CNTN5: variants seen among roughly 807,000 people sequenced by gnomAD.
CNTN5 encodes contactin 5.
In CNTN5, 77 loss-of-function variants were observed where a neutral mutation model predicts 129.1. The observed-to-expected ratio is 0.60, with a 90% confidence interval of 0.50 to 0.72. CNTN5 has a LOEUF of 0.72. Ranked by LOEUF, CNTN5 falls within the 30% of genes least tolerant of loss-of-function variation. The pLI, the probability that CNTN5 is intolerant of heterozygous loss-of-function variation, is 0.00. For synonymous variants in CNTN5, 509 were observed against 465.6 expected (o/e 1.09, Z -1.20); for missense variants, 1,478 against 1,328.8 (o/e 1.11, Z -1.75).
At chr11:99,409,407 G>T (rs1308050562) in intron 2 of CNTN5, among the ~76,000 whole-genome samples, 1 of 152,208 alleles carries the variant, frequency 6.6e-6, no homozygotes, top group African/African-American at 2.4e-5. Flanking sequence ...GATGGAGCTT[G>T]CAGCAAGCAA....
intron 16 of CNTN5, 107 bp from the exon 17 acceptor site, chr11:100,255,653 C>A: frequency 2.1e-6 from 2 of 950,228 alleles, no homozygotes; most frequent in Non-Finnish European, 3.1e-6. Context: ...ATTCATATTT[C>A]ATTAAGGTGA....
chr11:99,875,675 C>A (rs1329355933), intron 6 of CNTN5, among the ~76,000 whole-genome samples: 1 of 152,042 alleles, frequency 6.6e-6, no homozygotes, highest in Non-Finnish European at 1.5e-5. Context: ...CCCAAACACT[C>A]GACACATTTG....
At chr11:99,306,714 A>G in intron 1 of CNTN5, among the ~76,000 whole-genome samples, 1 of 150,346 alleles carries the variant, frequency 6.7e-6, no homozygotes, top group South Asian at 2.1e-4. Context: ...AGCCTGGGCG[A>G]CAGAGCAAGA....
rs117469373 is a variant in CNTN5, at chr11:100,114,004, G to A, written c.1580+39710G>A. ...TCAGATCTATTCTTCCATCCCTCTTGAATGTATATGGTCTTGATTTGTTTG... is the reference window on the plus strand; with the variant it reads ...TCAGATCTATTCTTCCATCCCTCTTAAATGTATATGGTCTTGATTTGTTTG... On this transcript the variant is annotated intron_variant, in intron 13 of 24. Coordinates refer to ENST00000524871, the MANE Select transcript of CNTN5 (RefSeq NM_014361.4). Among the ~76,000 whole-genome samples the A allele has an allele frequency of 3.3e-5, 5 of 152,074 alleles. No homozygotes were observed. In the South Asian group the frequency reaches 1.0e-3, roughly 32 times the overall value.
intron 3 of CNTN5, among the ~76,000 whole-genome samples, chr11:99,797,426 A>C (rs1387673437): frequency 6.6e-6 from 1 of 152,136 alleles, no homozygotes; most frequent in Non-Finnish European, 1.5e-5. Context: ...TAAGAAGCCA[A>C]AAAACGTTAA....
intron 3 of CNTN5, among the ~76,000 whole-genome samples, chr11:99,709,471 AC>A (rs1333488366): frequency 1.3e-5 from 2 of 151,794 alleles, no homozygotes; most frequent in African/African-American, 4.8e-5. Flanking sequence ...TTACATAAAT[AC>A]CCCATGTGTG....
intron 4 of CNTN5, among the ~76,000 whole-genome samples, chr11:99,842,355 A>C (rs1008305591): frequency 2.0e-5 from 3 of 152,234 alleles, no homozygotes; most frequent in Non-Finnish European, 4.4e-5. Flanking sequence ...ACTACAAGTA[A>C]ATATTAGTTA....
intron 1 of CNTN5, among the ~76,000 whole-genome samples, chr11:99,099,719 A>G (rs978522045): frequency 6.6e-6 from 1 of 152,114 alleles, no homozygotes; most frequent in Non-Finnish European, 1.5e-5. Context: ...CTGTTTTTCT[A>G]TGTAAAATAG....
chr11:99,087,948 T>G (rs1203396487), intron 1 of CNTN5, among the ~76,000 whole-genome samples: 1 of 152,220 alleles, frequency 6.6e-6, no homozygotes, highest in Non-Finnish European at 1.5e-5. Context: ...CCTAATGCTA[T>G]GCTGTCACTG....
chr11:99,967,747 G>T (rs1213410596), intron 8 of CNTN5, among the ~76,000 whole-genome samples: 1 of 152,050 alleles, frequency 6.6e-6, no homozygotes, highest in African/African-American at 2.4e-5. Flanking sequence ...TCAAACACCT[G>T]TGCCTCTCCC....
intron 23 of CNTN5, 90 bp downstream of exon 23, chr11:100,341,295 T>C: frequency 2.3e-6 from 2 of 875,112 alleles, no homozygotes; most frequent in Non-Finnish European, 3.7e-6. Context: ...AAAAGACCCA[T>C]TAACCAACCT....
chr11:99,782,934 T>C (rs1388138345), intron 3 of CNTN5, among the ~76,000 whole-genome samples: 4 of 151,630 alleles, frequency 2.6e-5, no homozygotes, highest in Admixed American at 1.3e-4. Context: ...ACTCCATGTC[T>C]AAAACACCAA....
At chr11:99,521,254 C>A (rs1285706598) in intron 2 of CNTN5, among the ~76,000 whole-genome samples, 1 of 152,110 alleles carries the variant, frequency 6.6e-6, no homozygotes, top group African/African-American at 2.4e-5. Context: ...TAACATCAAT[C>A]CTTCAAGCCT....
intron 1 of CNTN5, among the ~76,000 whole-genome samples, chr11:99,163,762 C>A (rs866174429): frequency 6.6e-6 from 1 of 152,106 alleles, no homozygotes; most frequent in South Asian, 2.1e-4. Context: ...GTGTACAGTT[C>A]ATTAGCCGGT....
intron 3 of CNTN5, among the ~76,000 whole-genome samples, chr11:99,667,473 A>G (rs532621267): frequency 2.0e-5 from 3 of 152,184 alleles, no homozygotes; most frequent in Non-Finnish European, 4.4e-5. Context: ...AGTTGTATAT[A>G]CAAGTTAAAT....
intron 6 of CNTN5, among the ~76,000 whole-genome samples, chr11:99,851,285 G>A (rs1947866120): frequency 6.6e-6 from 1 of 152,194 alleles, no homozygotes; most frequent in Non-Finnish European, 1.5e-5. Context: ...TGGTTTTTAA[G>A]GTTAAAATTA....
intron 3 of CNTN5, among the ~76,000 whole-genome samples, chr11:99,689,897 A>G (rs1455732067): frequency 1.3e-5 from 2 of 151,950 alleles, no homozygotes; most frequent in Admixed American, 6.6e-5. Flanking sequence ...ACTGTGTTTG[A>G]TAGTTTATTT....
chr11:99,470,064 A>T (rs1276646621), intron 2 of CNTN5, among the ~76,000 whole-genome samples: 1 of 152,186 alleles, frequency 6.6e-6, no homozygotes, highest in Non-Finnish European at 1.5e-5. Context: ...GTGAATTCAG[A>T]ATTGTAACCT....
At chr11:100,328,665 C>A (rs1951837872) in intron 21 of CNTN5, among the ~76,000 whole-genome samples, 1 of 152,148 alleles carries the variant, frequency 6.6e-6, no homozygotes, top group Admixed American at 6.5e-5. Flanking sequence ...TCCCCATGAT[C>A]TGATCAACTC....
Sources: gnomAD v4.1 joint callset for allele counts (sites outside exome capture counted in the v4.1 genomes callset) on GRCh38, gnomAD v4.1.1 for gene constraint, MANE v1.5 for transcripts, NCBI Gene and HGNC (gene_info 2026-07-23, HGNC 2026-07-21) for gene names.